LMX1B: variants seen among roughly 807,000 people sequenced by gnomAD.
LMX1B encodes LIM homeobox transcription factor 1 beta, also known as LIM homeobox transcription factor 1-beta.
A neutral mutation model predicts 51.4 loss-of-function variants in LMX1B; 12 were observed. The ratio of observed to expected loss-of-function variants is 0.23; its 90% confidence interval spans 0.15 to 0.38. LMX1B has a LOEUF of 0.38. Ranked by LOEUF, LMX1B falls within the 10% of genes least tolerant of loss-of-function variation. LMX1B has a pLI of 1.00. For synonymous variants in LMX1B, 237 were observed against 235.4 expected (o/e 1.01, Z -0.06); for missense variants, 445 against 571.1 (o/e 0.78, Z 2.25).
chr9:126,697,848 TGTTTTG>T lies in LMX1B; in HGVS notation c.*1398_*1403del, dbSNP rs745386926. 1.5e-3 allele frequency: 181 copies of T among 121,584 alleles called. 1 individual carries two copies. The highest frequency in any genetic ancestry group is 0.011 in the East Asian group (54 of 5,124). 7.5% of individuals were successfully genotyped at this position (121,584 alleles called of 1,614,324 possible). ...GATGGGGGCACCTACTGTTTTGTTT[TGTTTTG>T]TTTTGTTTTGTTTTGTTTTGTTTTG... On this transcript the variant is annotated 3_prime_UTR_variant, in exon 8 of 8. Coordinates refer to ENST00000373474, the MANE Select transcript of LMX1B (RefSeq NM_001174147.2).
intron 2 of LMX1B, among the ~76,000 whole-genome samples, chr9:126,651,058 G>C (rs932154776): frequency 6.6e-6 from 1 of 152,094 alleles, no homozygotes; most frequent in Non-Finnish European, 1.5e-5. Context: ...CCTAGGATGT[G>C]GGGACATGGG....
intron 3 of LMX1B, among the ~76,000 whole-genome samples, chr9:126,692,339 G>A (rs541548129): frequency 1.3e-5 from 2 of 152,368 alleles, no homozygotes; most frequent in East Asian, 3.9e-4. Context: ...CAGCCTGGGG[G>A]GCAGCGGGAG....
intron 2 of LMX1B, among the ~76,000 whole-genome samples, chr9:126,682,108 T>TTTTTTTTTTC (rs1554727665): frequency 1.4e-5 from 2 of 139,020 alleles, no homozygotes; most frequent in African/African-American, 2.9e-5. Context: ...TTTTTTTTTT[T>TTTTTTTTTTC]ATAGAGATGG....
At chr9:126,662,953 A>T (rs1444828173) in intron 2 of LMX1B, among the ~76,000 whole-genome samples, 1 of 152,184 alleles carries the variant, frequency 6.6e-6, no homozygotes, top group Non-Finnish European at 1.5e-5. Flanking sequence ...ACACAATCCA[A>T]ACACACTGCT....
chr9:126,619,217 C>T (rs1020094581), intron 2 of LMX1B, among the ~76,000 whole-genome samples: 1 of 152,208 alleles, frequency 6.6e-6, no homozygotes, highest in Non-Finnish European at 1.5e-5. Context: ...AACCGCTCTG[C>T]CCTGCGCATT....
chr9:126,686,438 T>A (rs186319314), intron 2 of LMX1B, among the ~76,000 whole-genome samples: 6 of 152,350 alleles, frequency 3.9e-5, no homozygotes, highest in Admixed American at 3.9e-4. Context: ...TGGAGATATC[T>A]TCTCACAGCC....
At chr9:126,646,685 C>T (rs1226181422) in intron 2 of LMX1B, among the ~76,000 whole-genome samples, 2 of 152,238 alleles carry the variant, frequency 1.3e-5, no homozygotes, top group Admixed American at 6.5e-5. Flanking sequence ...GCAGAGTCTG[C>T]CAGAGACTGT....
chr9:126,663,308 C>G (rs1248321833), intron 2 of LMX1B, among the ~76,000 whole-genome samples: 1 of 151,752 alleles, frequency 6.6e-6, no homozygotes, highest in African/African-American at 2.4e-5. Flanking sequence ...GCCTGTAGTC[C>G]CAGCTACTCA....
chr9:126,674,230 C>T (rs1410657068), intron 2 of LMX1B, among the ~76,000 whole-genome samples: 2 of 152,152 alleles, frequency 1.3e-5, no homozygotes, highest in African/African-American at 4.8e-5. Context: ...TGACTAGGGG[C>T]AGAATATGTC....
intron 2 of LMX1B, among the ~76,000 whole-genome samples, chr9:126,662,429 T>C (rs112867522): frequency 1.9e-3 from 284 of 152,284 alleles, no homozygotes; most frequent in African/African-American, 6.6e-3. Context: ...TTTCCTCGGC[T>C]GTAAAGTGGG....
rs532531403 is a variant in LMX1B at position 126,614,598 on chromosome 9, G to T, written c.139+10G>T. 6 of 1,578,054 alleles carry T rather than the reference G, an allele frequency of 3.8e-6. No individual in the cohort carries two copies. The South Asian group carries it at 6.9e-5, about 18-fold the overall frequency. On this transcript the variant is annotated intron_variant, in intron 1 of 7. Coordinates refer to ENST00000373474, the MANE Select transcript of LMX1B (RefSeq NM_001174147.2). ...CTGGGGGTGCTGCTGGGTGAGTGCG[G>T]GGTCGGAACGCCCGAGTGGTCTCGG... is the stretch of plus-strand genomic sequence containing the variant.
Position 126,615,662 on chromosome 9 carries a change from G to A in LMX1B, c.326+93G>A. 1 of 1,215,750 alleles carries A rather than the reference G, an allele frequency of 8.2e-7. No homozygotes were observed. Among genetic ancestry groups the A allele is most frequent in the Non-Finnish European group, 1.1e-6 (1 of 879,512 alleles). 75.3% of individuals were successfully genotyped at this position (1,215,750 alleles called of 1,614,324 possible). ...CCCGGCCCGCGCCCGCTCTGCCGCC[G>A]GCTCTGTGCGCGGCTGGGCCGGGCA... On this transcript the variant is annotated intron_variant, in intron 2 of 7. Coordinates refer to ENST00000373474, the MANE Select transcript of LMX1B (RefSeq NM_001174147.2). The surrounding 1 kb of genome is among the most constrained non-coding windows in gnomAD (Gnocchi z 6.0).
At chr9:126,636,453 T>C (rs1835714121) in intron 2 of LMX1B, among the ~76,000 whole-genome samples, 1 of 152,074 alleles carries the variant, frequency 6.6e-6, no homozygotes, top group Admixed American at 6.5e-5. Context: ...TTGAAGTCTG[T>C]GCTAGAGAGT....
In LMX1B at chr9:126,618,389, G is replaced by A. The variant is rs974533769; in HGVS notation, c.326+2820G>A. Among the ~76,000 whole-genome samples, 2 of 152,184 alleles carry A rather than the reference G, an allele frequency of 1.3e-5. No individual in the cohort carries two copies. Among genetic ancestry groups the A allele is most frequent in the African/African-American group, 4.8e-5 (2 of 41,438 alleles). On this transcript the variant is annotated intron_variant, in intron 2 of 7. Transcript: ENST00000373474. This position sits in a 1 kb window ranked among gnomAD's most constrained non-coding sequence, Gnocchi z 4.5. ...CACGGGGGTGATTAATTGACACTGGGGCACATTGAGCCGAATTTGATAAAA... is the reference window on the plus strand; with the variant it reads ...CACGGGGGTGATTAATTGACACTGGAGCACATTGAGCCGAATTTGATAAAA...
At chr9:126,675,771 C>T (rs1420806582) in intron 2 of LMX1B, among the ~76,000 whole-genome samples, 2 of 148,532 alleles carry the variant, frequency 1.3e-5, no homozygotes, top group South Asian at 2.1e-4. Flanking sequence ...TTCAGTAGGC[C>T]GGGCGCGGTG....
At chr9:126,647,079 A>G (rs765987625) in intron 2 of LMX1B, among the ~76,000 whole-genome samples, 37 of 152,066 alleles carry the variant, frequency 2.4e-4, no homozygotes, top group Non-Finnish European at 4.7e-4. Context: ...TATGGTGCAC[A>G]CCTGTTCCCA....
At chr9:126,623,521 G>A (rs1221268554) in intron 2 of LMX1B, among the ~76,000 whole-genome samples, 1 of 152,204 alleles carries the variant, frequency 6.6e-6, no homozygotes, top group Non-Finnish European at 1.5e-5. Flanking sequence ...ACTTCCCCAG[G>A]CCCAGAGTTA....
At chr9:126,665,048 T>C (rs1836317081) in intron 2 of LMX1B, among the ~76,000 whole-genome samples, 1 of 152,254 alleles carries the variant, frequency 6.6e-6, no homozygotes, top group Non-Finnish European at 1.5e-5. Flanking sequence ...GCGCTGTGCT[T>C]GCGTTGGGCA....
chr9:126,650,403 C>T (rs939863148), intron 2 of LMX1B, among the ~76,000 whole-genome samples: 8 of 152,202 alleles, frequency 5.3e-5, no homozygotes, highest in South Asian at 2.1e-4. Flanking sequence ...GCGGGAGCTC[C>T]GAGGGGGCAG....
Sources: gnomAD v4.1 joint callset for allele counts (sites outside exome capture counted in the v4.1 genomes callset) on GRCh38, gnomAD v4.1.1 for gene constraint, Gnocchi (gnomAD v3.1) non-coding constraint, MANE v1.5 for transcripts, NCBI Gene and HGNC (gene_info 2026-07-23, HGNC 2026-07-21) for gene names.